The following VPS37A variants were observed in gnomAD, a reference collection of about 807,000 sequenced individuals.
VPS37A encodes VPS37A subunit of ESCRT-I, also known as vacuolar protein sorting-associated protein 37A.
VPS37A carries 30 observed loss-of-function variants against 49.8 expected under a neutral mutation model. The observed-to-expected ratio is 0.60, with a 90% CI of 0.45 to 0.82. The LOEUF is 0.82. VPS37A is among the 40% of genes least tolerant of loss of function. The probability of loss-of-function intolerance (pLI) is 0.00; values close to 1 mark genes in which losing one functional copy is unlikely to be tolerated. For synonymous variants in VPS37A, 195 were observed against 160.6 expected, an observed-to-expected ratio of 1.21 and a Z score of -1.62; for missense variants, 593 against 464.4, an observed-to-expected ratio of 1.28 and a Z score of -2.55.
intron 11 of VPS37A, among the ~76,000 whole-genome samples, chr8:17,289,465 T>C (rs1335382980): frequency 6.6e-6 from 1 of 152,204 alleles, no homozygotes; most frequent in East Asian, 1.9e-4. Context: ...TAGGGAATCC[T>C]TCCCCCATTG....
intron 1 of VPS37A, among the ~76,000 whole-genome samples, chr8:17,254,517 C>T (rs1812259365): frequency 6.6e-6 from 1 of 152,220 alleles, no homozygotes; most frequent in South Asian, 2.1e-4. Context: ...CCCCCAAACT[C>T]TTAGTTTGCA....
chr8:17,257,859 T>C (rs1812617360), intron 1 of VPS37A, among the ~76,000 whole-genome samples: 1 of 152,234 alleles, frequency 6.6e-6, no homozygotes, highest in African/African-American at 2.4e-5. Flanking sequence ...GTTTCACTTC[T>C]TAGGTAAAAT....
At chr8:17,332,318 C>T in the VPS37A span, among the ~76,000 whole-genome samples, 1 of 152,162 alleles carries the variant, frequency 6.6e-6, no homozygotes. Context: ...TGTTCTTTGA[C>T]ACAGATCTCC....
At chr8:17,285,447 A>C (rs1815501429) in intron 10 of VPS37A, among the ~76,000 whole-genome samples, 2 of 152,238 alleles carry the variant, frequency 1.3e-5, no homozygotes. Flanking sequence ...TTTAAAGAAA[A>C]ATCCAAAAAA....
intron 1 of VPS37A, chr8:17,247,675 C>A: frequency 4.3e-6 from 3 of 703,322 alleles, no homozygotes; most frequent in Non-Finnish European, 7.8e-6. Context: ...GTATCCCTTG[C>A]TGCCCAGGCT....
intron 4 of VPS37A, chr8:17,272,151 C>G: frequency 2.2e-6 from 1 of 451,094 alleles, no homozygotes; most frequent in Non-Finnish European, 4.5e-6. Context: ...TGACCATCTG[C>G]TCAAAGGCCC....
chr8:17,312,209 G>A, the VPS37A span, among the ~76,000 whole-genome samples: 3 of 152,096 alleles, frequency 2.0e-5, no homozygotes, highest in African/African-American at 7.2e-5. Flanking sequence ...GTTAACATAC[G>A]CTGGGAAACA....
At chr8:17,318,249 T>A in the VPS37A span, among the ~76,000 whole-genome samples, 1 of 152,060 alleles carries the variant, frequency 6.6e-6, no homozygotes, top group African/African-American at 2.4e-5. Context: ...ATTATCATGC[T>A]CGGGCTGGGA....
intron 9 of VPS37A, among the ~76,000 whole-genome samples, chr8:17,281,082 A>T (rs1245272130): frequency 6.6e-6 from 1 of 151,980 alleles, no homozygotes; most frequent in Non-Finnish European, 1.5e-5. Flanking sequence ...AGCAAAAAAG[A>T]TGGTAAAGGA....
chr8:17,282,562 C>G (rs1455207020), intron 9 of VPS37A, among the ~76,000 whole-genome samples: 1 of 152,014 alleles, frequency 6.6e-6, no homozygotes, highest in Non-Finnish European at 1.5e-5. Context: ...AAAAAGGGTA[C>G]AGATATTTTT....
At chr8:17,277,054 T>C (rs887595104) in intron 6 of VPS37A, among the ~76,000 whole-genome samples, 1 of 152,146 alleles carries the variant, frequency 6.6e-6, no homozygotes, top group Non-Finnish European at 1.5e-5. Flanking sequence ...ATGATACTCA[T>C]AAGGCTCTTA....
intron 4 of VPS37A, among the ~76,000 whole-genome samples, chr8:17,272,987 C>T (rs1586002862): frequency 6.9e-6 from 1 of 144,518 alleles, no homozygotes. Context: ...GTATTTTCCC[C>T]CTTTTTTATA....
downstream of VPS37A, chr8:17,302,120 CAGA>C: frequency 6.2e-7 from 1 of 1,613,520 alleles, no homozygotes; most frequent in Non-Finnish European, 8.5e-7. Context: ...GAAATAAGCA[CAGA>C]AAATAGATTA....
intron 6 of VPS37A, 156 bp from the exon 7 acceptor site, chr8:17,279,872 A>T: frequency 1.2e-6 from 1 of 839,606 alleles, no homozygotes; most frequent in Non-Finnish European, 1.9e-6. Context: ...TTGATGTTTT[A>T]TTTGATTTTA....
At chr8:17,328,577 G>A in the VPS37A span, among the ~76,000 whole-genome samples, 1 of 152,008 alleles carries the variant, frequency 6.6e-6, no homozygotes, top group Non-Finnish European at 1.5e-5. Context: ...CGGGGGTGGG[G>A]GAGTGGAGGG....
rs765748082 is a variant in VPS37A at position 17,247,313 on chromosome 8, C to G, written c.69C>G (p.Thr23=). 9.3e-5 allele frequency: 145 copies of G among 1,562,206 alleles called. No homozygotes were observed. Among genetic ancestry groups the G allele is most frequent in the Non-Finnish European group, 6.9e-6 (8 of 1,153,428 alleles). Residue 23 remains threonine (T), a synonymous_variant, in exon 1 of 12, where the codon ACC becomes ACG. Transcript: ENST00000324849. ...CGGCTGGGTCCCCCGGTGGCCTCACCAGCCTCCAGCAGCAGAAGCAGCGCC... is the reference window on the plus strand; with the variant it reads ...CGGCTGGGTCCCCCGGTGGCCTCACGAGCCTCCAGCAGCAGAAGCAGCGCC... The part of the protein sequence containing the change: ...SSAAGSPGGL[T]SLQQQKQRLI...
the VPS37A span, chr8:17,309,296 C>T: frequency 6.4e-7 from 1 of 1,562,110 alleles, no homozygotes; most frequent in Non-Finnish European, 8.8e-7. Flanking sequence ...AACTTATGAC[C>T]AAAGGAAATC....
the VPS37A span, chr8:17,331,291 G>C: frequency 2.6e-5 from 41 of 1,584,082 alleles, no homozygotes; most frequent in Non-Finnish European, 3.4e-5. Context: ...AGCTGCAGTG[G>C]TCAGCAAAAC....
At chr8:17,270,313 A>C (rs986514246) in intron 4 of VPS37A, among the ~76,000 whole-genome samples, 2 of 152,180 alleles carry the variant, frequency 1.3e-5, no homozygotes, top group Non-Finnish European at 2.9e-5. Flanking sequence ...ATAAGAATCT[A>C]CCATTTGGTT....
Sources: gnomAD v4.1 joint callset for allele counts (sites outside exome capture counted in the v4.1 genomes callset) on GRCh38, gnomAD v4.1.1 for gene constraint, MANE v1.5 for transcripts, NCBI Gene and HGNC (gene_info 2026-07-23, HGNC 2026-07-21) for gene names.